The following SOX5 variants were observed in gnomAD, a reference collection of about 807,000 sequenced individuals.
SOX5 encodes the protein SRY-box transcription factor 5, also known as transcription factor SOX-5.
In SOX5, 9 loss-of-function variants were observed where a neutral mutation model predicts 92.0. That is an observed-to-expected ratio of 0.10 (90% CI 0.06 to 0.17). The LOEUF (loss-of-function observed/expected upper bound fraction) is 0.17. Ranked by LOEUF, SOX5 falls within the 10% of genes least tolerant of loss-of-function variation. The probability of loss-of-function intolerance (pLI) is 1.00; values close to 1 mark genes in which losing one functional copy is unlikely to be tolerated. For synonymous variants in SOX5, 344 were observed against 336.3 expected (o/e 1.02, Z -0.25); for missense variants, 642 against 944.5 (o/e 0.68, Z 4.20).
intron 1 of SOX5, among the ~76,000 whole-genome samples, chr12:24,457,828 A>G (rs1414841194): frequency 6.6e-6 from 1 of 152,208 alleles, no homozygotes; most frequent in Non-Finnish European, 1.5e-5. Context: ...TTTGAGGGCT[A>G]TCACTGGTTT....
intron 2 of SOX5, among the ~76,000 whole-genome samples, chr12:24,355,385 G>A (rs1252630582): frequency 7.7e-6 from 1 of 129,106 alleles, no homozygotes; most frequent in Non-Finnish European, 1.5e-5. Flanking sequence ...TCGGCTCACT[G>A]TAAGCTCCGC....
Position 23,791,378 on chromosome 12 carries a change from T to C in SOX5, c.482-35654A>G, listed in dbSNP as rs181352098. ...ATTTGCAGGTGCAATCATAGCATACTACAGCCTCAAATTGTAGGGCTCAAG... is the reference window on the plus strand; with the variant it reads ...ATTTGCAGGTGCAATCATAGCATACCACAGCCTCAAATTGTAGGGCTCAAG... On this transcript the variant is annotated intron_variant, in intron 3 of 14. Coordinates refer to ENST00000451604, the MANE Select transcript of SOX5 (RefSeq NM_006940.6). 2.0e-3 allele frequency among the ~76,000 whole-genome samples: 300 copies of C among 152,300 alleles called. 1 individual carries two copies. The highest frequency in any genetic ancestry group is 3.6e-3 in the Non-Finnish European group (244 of 68,034).
chr12:23,894,494 T>C (rs1249789066), intron 2 of SOX5, among the ~76,000 whole-genome samples: 1 of 152,164 alleles, frequency 6.6e-6, no homozygotes, highest in Non-Finnish European at 1.5e-5. Flanking sequence ...CCCAAAGTGC[T>C]GGGATTACAG....
intron 1 of SOX5, among the ~76,000 whole-genome samples, chr12:24,465,724 C>T (rs763193723): frequency 6.6e-6 from 1 of 152,096 alleles, no homozygotes; most frequent in Non-Finnish European, 1.5e-5. Context: ...TAGTCAGGGG[C>T]CAAATGAATT....
chr12:24,237,431 C>T (rs1287012370), intron 3 of SOX5, among the ~76,000 whole-genome samples: 3 of 152,162 alleles, frequency 2.0e-5, no homozygotes, highest in Non-Finnish European at 4.4e-5. Context: ...ATAATGTAAG[C>T]TTTATTCATG....
intron 3 of SOX5, among the ~76,000 whole-genome samples, chr12:23,819,362 T>C (rs1350973824): frequency 2.0e-5 from 3 of 152,178 alleles, no homozygotes; most frequent in Non-Finnish European, 4.4e-5. Flanking sequence ...TAAAAACTTG[T>C]TCTAGGAAAA....
intron 4 of SOX5, among the ~76,000 whole-genome samples, chr12:24,134,433 T>G (rs1226496977): frequency 1.3e-5 from 2 of 152,208 alleles, no homozygotes; most frequent in Admixed American, 6.5e-5. Flanking sequence ...TAGCATTGAT[T>G]ATACTTGTTT....
At chr12:24,368,550 A>T (rs766436603) in intron 2 of SOX5, 2 of 152,198 alleles carry the variant, frequency 1.3e-5, no homozygotes, top group Non-Finnish European at 2.9e-5. Context: ...AACAGAATAA[A>T]CATTGTACAT....
intron 3 of SOX5, among the ~76,000 whole-genome samples, chr12:23,794,991 A>G (rs952639794): frequency 6.6e-6 from 1 of 152,164 alleles, no homozygotes; most frequent in Non-Finnish European, 1.5e-5. Flanking sequence ...CAAAAACACA[A>G]TAAGAAATTC....
At chr12:24,156,712 A>G (rs1349853553) in intron 4 of SOX5, among the ~76,000 whole-genome samples, 1 of 152,172 alleles carries the variant, frequency 6.6e-6, no homozygotes, top group Non-Finnish European at 1.5e-5. Flanking sequence ...ACAACAATTA[A>G]TGAGTTCAAT....
At chr12:23,697,821 G>A (rs2090093464) in intron 6 of SOX5, among the ~76,000 whole-genome samples, 1 of 152,152 alleles carries the variant, frequency 6.6e-6, no homozygotes, top group Non-Finnish European at 1.5e-5. Context: ...AAAGTGCTGG[G>A]ATTACAGGGG....
chr12:24,251,829 C>A (rs1318700520), intron 3 of SOX5, among the ~76,000 whole-genome samples: 1 of 152,054 alleles, frequency 6.6e-6, no homozygotes, highest in Non-Finnish European at 1.5e-5. Context: ...ACCTCAGCCT[C>A]CCAAAGTGCT....
At chr12:23,955,591 C>T (rs1411605078), upstream of SOX5, among the ~76,000 whole-genome samples, 1 of 152,156 alleles carries the variant, frequency 6.6e-6, no homozygotes, top group Admixed American at 6.5e-5. Context: ...ATAAGACCTA[C>T]TCAATTTATG....
At chr12:24,354,558 C>T (rs1954556047) in intron 2 of SOX5, among the ~76,000 whole-genome samples, 2 of 152,242 alleles carry the variant, frequency 1.3e-5, no homozygotes. Context: ...CTTGGAAAGA[C>T]TCTTGACTGG....
At chr12:23,809,271 G>C (rs1208969240) in intron 3 of SOX5, among the ~76,000 whole-genome samples, 1 of 151,992 alleles carries the variant, frequency 6.6e-6, no homozygotes, top group Non-Finnish European at 1.5e-5. Context: ...GTAGGAATAG[G>C]AGTAGAAAAG....
chr12:23,770,366 A>G (rs896148237), intron 3 of SOX5, among the ~76,000 whole-genome samples: 4 of 152,138 alleles, frequency 2.6e-5, no homozygotes, highest in Non-Finnish European at 5.9e-5. Context: ...CTGAGCCAAA[A>G]AGGACTGTAG....
Position 23,858,342 on chromosome 12 carries a change from C to A in SOX5, c.271-12149G>T, listed in dbSNP as rs545502413. Among the ~76,000 whole-genome samples the A allele has an allele frequency of 5.3e-5, 8 of 152,082 alleles. No individual in the cohort carries two copies. The South Asian group carries it at 1.7e-3, about 32-fold the overall frequency. On this transcript the variant is annotated intron_variant, in intron 2 of 14. Coordinates refer to ENST00000451604, the MANE Select transcript of SOX5 (RefSeq NM_006940.6). The stretch of plus-strand genomic sequence containing the variant: ...AGCATCTATAAGGAACTAAAATTAA[C>A]AAGAGAGAAACAAACAGCCCTATTT...
intron 4 of SOX5, among the ~76,000 whole-genome samples, chr12:24,098,879 T>TA (rs1426934878): frequency 2.0e-5 from 3 of 152,120 alleles, no homozygotes; most frequent in African/African-American, 7.2e-5. Flanking sequence ...TAGCCCTGGG[T>TA]ATCTTATGTG....
At chr12:23,645,270 C>T (rs565407939) in intron 7 of SOX5, among the ~76,000 whole-genome samples, 25 of 151,970 alleles carry the variant, frequency 1.6e-4, no homozygotes, top group South Asian at 6.2e-4. Flanking sequence ...AGAGACCTTT[C>T]GGATAGGGTG....
Sources: allele counts gnomAD v4.1 joint callset (sites outside exome capture counted in the v4.1 genomes callset), GRCh38; gene constraint gnomAD v4.1.1; transcripts MANE v1.5; gene names NCBI Gene and HGNC (gene_info 2026-07-23, HGNC 2026-07-21).